The following SLC2A13 variants were observed in gnomAD, a reference collection of about 807,000 sequenced individuals.
The protein encoded by SLC2A13 is solute carrier family 2 member 13, also known as proton myo-inositol cotransporter.
In SLC2A13, 32 loss-of-function variants were observed where a neutral mutation model predicts 64.4. That is an observed-to-expected ratio of 0.50 (90% confidence interval 0.37 to 0.67). The LOEUF (loss-of-function observed/expected upper bound fraction) is 0.67. Among genes scored for constraint, SLC2A13 ranks in the 30% least tolerant of loss-of-function variants. The pLI is 0.00. For missense variants in SLC2A13, 743 were observed against 829.2 expected (o/e 0.90, Z 1.28); for synonymous variants, 338 against 327.1 (o/e 1.03, Z -0.36).
chr12:39,850,824 G>A (rs575696082), intron 6 of SLC2A13, among the ~76,000 whole-genome samples: 10 of 151,866 alleles, frequency 6.6e-5, no homozygotes, highest in Non-Finnish European at 1.3e-4. Flanking sequence ...GATATCTATC[G>A]CCATAATAAT....
chr12:39,778,103 G>A (rs1940843050), intron 7 of SLC2A13, among the ~76,000 whole-genome samples: 2 of 152,178 alleles, frequency 1.3e-5, no homozygotes, highest in African/African-American at 4.8e-5. Flanking sequence ...AGAGGTTTGA[G>A]CAGCAGGGCG....
intron 7 of SLC2A13, 69 bp from the exon 8 acceptor site, chr12:39,764,927 C>T: frequency 6.5e-7 from 1 of 1,528,360 alleles, no homozygotes; most frequent in Middle Eastern, 2.3e-4. Context: ...TCAATATGAT[C>T]ATATTTATGT....
At chr12:40,103,940 A>G (rs1939221579) in intron 1 of SLC2A13, among the ~76,000 whole-genome samples, 1 of 152,216 alleles carries the variant, frequency 6.6e-6, no homozygotes, top group South Asian at 2.1e-4. Flanking sequence ...TTAACAGTAC[A>G]ATAAACAGCA....
chr12:39,961,214 A>G (rs539105665), intron 3 of SLC2A13, among the ~76,000 whole-genome samples: 2 of 152,010 alleles, frequency 1.3e-5, no homozygotes, highest in South Asian at 4.2e-4. Context: ...ACTAGCTGGA[A>G]CTACAGGTGC....
intron 5 of SLC2A13, among the ~76,000 whole-genome samples, chr12:39,870,934 C>T (rs888722627): frequency 8.5e-5 from 13 of 152,132 alleles, no homozygotes; most frequent in South Asian, 4.1e-4. Context: ...TCAATGTTTT[C>T]GATACAATTT....
At chr12:39,908,425 C>T (rs556117052) in intron 4 of SLC2A13, 4 of 151,902 alleles carry the variant, frequency 2.6e-5, no homozygotes, top group African/African-American at 7.3e-5. Flanking sequence ...GAGTTAGGAG[C>T]TTGCTCTGGT....
At chr12:39,962,745 T>C (rs906866770) in intron 3 of SLC2A13, among the ~76,000 whole-genome samples, 1 of 152,226 alleles carries the variant, frequency 6.6e-6, no homozygotes, top group Non-Finnish European at 1.5e-5. Flanking sequence ...CTAAAGACTA[T>C]ACAACCATAA....
At chr12:39,936,970 T>C (rs1443961856) in intron 4 of SLC2A13, among the ~76,000 whole-genome samples, 1 of 152,236 alleles carries the variant, frequency 6.6e-6, no homozygotes, top group Admixed American at 6.5e-5. Context: ...GGGACTGGAA[T>C]AGGTCTCTGA....
At chr12:40,068,268 A>G in intron 1 of SLC2A13, 1 of 362,136 alleles carries the variant, frequency 2.8e-6, no homozygotes. Context: ...ATCTTCTGGC[A>G]TGCTTCTAAA....
At chr12:40,065,393 G>A (rs1937680839) in intron 1 of SLC2A13, among the ~76,000 whole-genome samples, 1 of 151,600 alleles carries the variant, frequency 6.6e-6, no homozygotes, top group Admixed American at 6.6e-5. Flanking sequence ...ACCAGCCTGG[G>A]CAACATAGTG....
chr12:39,826,491 T>C (rs1230714161), intron 7 of SLC2A13, among the ~76,000 whole-genome samples: 1 of 151,420 alleles, frequency 6.6e-6, no homozygotes, highest in African/African-American at 2.4e-5. Context: ...TACTATACTT[T>C]GAGTCTCTTA....
At chr12:39,762,440 A>C (rs1940190876) in intron 9 of SLC2A13, among the ~76,000 whole-genome samples, 1 of 152,244 alleles carries the variant, frequency 6.6e-6, no homozygotes, top group African/African-American at 2.4e-5. Context: ...AAGCTTTGAC[A>C]TAATGCCCCC....
chr12:39,822,376 C>A (rs117249664), intron 7 of SLC2A13, among the ~76,000 whole-genome samples: 1 of 152,102 alleles, frequency 6.6e-6, no homozygotes, highest in Non-Finnish European at 1.5e-5. Context: ...ATGATTCCCA[C>A]GCCTATGAAA....
intron 3 of SLC2A13, among the ~76,000 whole-genome samples, chr12:39,986,329 A>T (rs1056777969): frequency 5.9e-5 from 9 of 152,152 alleles, no homozygotes; most frequent in Admixed American, 6.5e-5. Flanking sequence ...TATTCTGGAG[A>T]TACTGATCCA....
Position 40,105,662 on chromosome 12 carries a change from G to A in SLC2A13, c.147C>T (p.Thr49=), listed in dbSNP as rs1939286964. The A allele has an allele frequency of 2.7e-6, 4 of 1,492,262 alleles. No individual in the cohort carries two copies. Among genetic ancestry groups the A allele is most frequent in the Admixed American group, 2.4e-5 (1 of 42,490 alleles). 92.4% of individuals were successfully genotyped at this position (1,492,262 alleles called of 1,614,324 possible). Residue 49 remains threonine, a synonymous_variant, in exon 1 of 10, where the codon ACC becomes ACT. Coordinates refer to ENST00000280871, the MANE Select transcript of SLC2A13 (RefSeq NM_052885.4). This position sits in a 1 kb window ranked among gnomAD's most constrained non-coding sequence, Gnocchi z 4.2. ...CGCCCGCGCCCGCGCTCTGCAGGCT[G>A]GTGCTCGATTCGGCGGCAGCCAGGA... ...CSLLAAAESS[T]SLQSAGAGGG...
rs1445948309 is a variant in SLC2A13 at position 39,973,228 on chromosome 12, A to C, written c.926-21863T>G. Among the ~76,000 whole-genome samples, 39 of 152,218 alleles carry C rather than the reference A, an allele frequency of 2.6e-4. 1 individual carries two copies. The highest frequency in any genetic ancestry group is 2.4e-5 in the African/African-American group (1 of 41,450). On this transcript the variant is annotated intron_variant, in intron 3 of 9. Coordinates refer to ENST00000280871, the MANE Select transcript of SLC2A13 (RefSeq NM_052885.4). Reference sequence around the variant, plus strand: ...CTCTACTAAGCAGATTCAATGATCAAGTCTCTGCTATCTCACCTAAACTAA... The same window carrying C: ...CTCTACTAAGCAGATTCAATGATCACGTCTCTGCTATCTCACCTAAACTAA...
chr12:39,816,429 G>T (rs1592165423), intron 7 of SLC2A13, among the ~76,000 whole-genome samples: 1 of 120,466 alleles, frequency 8.3e-6, no homozygotes, highest in East Asian at 2.6e-4. Flanking sequence ...GGGGCCTGTT[G>T]TGGGGTGGGG....
chr12:39,842,944 T>C (rs1943213960), intron 6 of SLC2A13, among the ~76,000 whole-genome samples: 1 of 152,040 alleles, frequency 6.6e-6, no homozygotes, highest in Non-Finnish European at 1.5e-5. Context: ...TGTCAGTAGT[T>C]CATGTTTTTT....
chr12:39,910,558 T>TA (rs775893982), intron 4 of SLC2A13, among the ~76,000 whole-genome samples: 47 of 152,088 alleles, frequency 3.1e-4, no homozygotes, highest in Non-Finnish European at 4.9e-4. Flanking sequence ...TCTCTTCTGT[T>TA]CTCTTGCATT....
Sources: gnomAD v4.1 joint callset for allele counts (sites outside exome capture counted in the v4.1 genomes callset) on GRCh38, gnomAD v4.1.1 for gene constraint, Gnocchi (gnomAD v3.1) non-coding constraint, MANE v1.5 for transcripts, NCBI Gene and HGNC (gene_info 2026-07-23, HGNC 2026-07-21) for gene names.